SND1: variants seen among roughly 807,000 people sequenced by gnomAD.
SND1 encodes the protein staphylococcal nuclease domain-containing protein 1.
In SND1, 38 loss-of-function variants were observed where a neutral mutation model predicts 121.7. The ratio of observed to expected loss-of-function variants is 0.31; its 90% CI spans 0.24 to 0.41. The LOEUF is 0.41. SND1 is among the 10% of genes least tolerant of loss of function. The pLI is 1.00. For synonymous variants in SND1, 401 were observed against 447.4 expected (o/e 0.90, Z 1.31); for missense variants, 868 against 1,184.6 (o/e 0.73, Z 3.92).
chr7:127,665,884 C>T (rs1449508350), intron 1 of SND1, among the ~76,000 whole-genome samples: 2 of 152,102 alleles, frequency 1.3e-5, no homozygotes, highest in Non-Finnish European at 2.9e-5. Context: ...AGGACTCTGC[C>T]GCAGGTTTTA....
intron 16 of SND1, among the ~76,000 whole-genome samples, chr7:128,054,752 C>G (rs952474624): frequency 6.6e-6 from 1 of 152,312 alleles, no homozygotes; most frequent in African/African-American, 2.4e-5. Flanking sequence ...CTGCCTGCCT[C>G]GTGACCTACA....
At chr7:128,011,511 G>C (rs1314584874) in intron 16 of SND1, among the ~76,000 whole-genome samples, 11 of 152,180 alleles carry the variant, frequency 7.2e-5, no homozygotes, top group Admixed American at 7.2e-4. Context: ...TGTGTAACAT[G>C]TGATCAGGGG....
intron 11 of SND1, among the ~76,000 whole-genome samples, chr7:127,843,778 A>T (rs1003798779): frequency 8.5e-5 from 13 of 152,226 alleles, no homozygotes; most frequent in African/African-American, 3.1e-4. Context: ...AAATGGTAAG[A>T]GTACATGTTC....
At chr7:127,687,277 T>G (rs1795829723) in intron 2 of SND1, 1 of 152,266 alleles carries the variant, frequency 6.6e-6, no homozygotes. Flanking sequence ...AATCGTAGCA[T>G]GCTATAAATG....
At chr7:127,683,860 C>G (rs1795769729) in intron 1 of SND1, among the ~76,000 whole-genome samples, 1 of 152,192 alleles carries the variant, frequency 6.6e-6, no homozygotes, top group Admixed American at 6.5e-5. Flanking sequence ...AACATTGATT[C>G]AAGCATTAAC....
At chr7:127,911,113 C>T (rs1204991826) in intron 14 of SND1, among the ~76,000 whole-genome samples, 1 of 152,218 alleles carries the variant, frequency 6.6e-6, no homozygotes, top group Admixed American at 6.5e-5. Flanking sequence ...TTTCGTAGCT[C>T]AAGTTGTCAC....
chr7:128,082,411 G>T (rs1175111780), intron 18 of SND1, among the ~76,000 whole-genome samples: 2 of 152,198 alleles, frequency 1.3e-5, no homozygotes, highest in Non-Finnish European at 1.5e-5. Context: ...CCCCAGGTCC[G>T]CTCCAGCCCC....
At chr7:127,837,828 A>T (rs1798893894) in intron 11 of SND1, among the ~76,000 whole-genome samples, 1 of 152,272 alleles carries the variant, frequency 6.6e-6, no homozygotes, top group Admixed American at 6.5e-5. Context: ...TCCTGTTGTT[A>T]TAAATAAATT....
chr7:127,698,550 A>T (rs1455428972), intron 3 of SND1, among the ~76,000 whole-genome samples: 1 of 151,036 alleles, frequency 6.6e-6, no homozygotes, highest in African/African-American at 2.4e-5. Context: ...ACCACTTTAT[A>T]CTCTCTTGAG....
Position 127,759,057 on chromosome 7 carries a change from AATAG to A in SND1, c.1152+37698_1152+37701del, listed in dbSNP as rs1289095272. On this transcript the variant is annotated intron_variant, in intron 10 of 23. Coordinates refer to ENST00000354725, the MANE Select transcript of SND1 (RefSeq NM_014390.4). ...CGACATAGCAAGATGCTGTCTCAAA[AATAG>A]ATAGATAGATAGATAGATAGATAGA... Among the ~76,000 whole-genome samples, 515 of 145,502 alleles carry A rather than the reference AATAG, an allele frequency of 3.5e-3. 4 individuals carry two copies. The highest frequency in any genetic ancestry group is 0.03 in the East Asian group (147 of 4,840).
At chr7:127,881,572 T>C (rs1011181368) in intron 12 of SND1, among the ~76,000 whole-genome samples, 4 of 152,150 alleles carry the variant, frequency 2.6e-5, no homozygotes, top group Non-Finnish European at 5.9e-5. Context: ...GGGAAAGTTT[T>C]ATCTTTATTG....
intron 16 of SND1, among the ~76,000 whole-genome samples, chr7:128,046,538 A>C (rs1792952281): frequency 6.6e-6 from 1 of 151,236 alleles, no homozygotes; most frequent in Non-Finnish European, 1.5e-5. Flanking sequence ...TCATTTTTAT[A>C]TTTTTAGTAG....
At chr7:127,740,312 T>G (rs1187260590) in intron 10 of SND1, among the ~76,000 whole-genome samples, 1 of 152,210 alleles carries the variant, frequency 6.6e-6, no homozygotes, top group Admixed American at 6.5e-5. Flanking sequence ...GCAAGTAGCT[T>G]GGGTATTTTT....
chr7:127,672,813 A>ATG (rs1262310335), intron 1 of SND1, among the ~76,000 whole-genome samples: 1 of 151,982 alleles, frequency 6.6e-6, no homozygotes, highest in Non-Finnish European at 1.5e-5. Flanking sequence ...ACTTTATAGA[A>ATG]TGTGCCTTGT....
chr7:127,955,856 A>G (rs1254777120), intron 15 of SND1, among the ~76,000 whole-genome samples: 3 of 152,142 alleles, frequency 2.0e-5, no homozygotes, highest in African/African-American at 7.2e-5. Flanking sequence ...CTTTACCTTC[A>G]AAATAAGACA....
intron 10 of SND1, among the ~76,000 whole-genome samples, chr7:127,763,751 T>C (rs989548996): frequency 1.3e-5 from 2 of 152,002 alleles, no homozygotes; most frequent in Non-Finnish European, 2.9e-5. Flanking sequence ...TAAGTAGTTA[T>C]GAGGATACTT....
At chr7:127,818,031 G>A (rs895034284) in intron 11 of SND1, among the ~76,000 whole-genome samples, 1 of 152,094 alleles carries the variant, frequency 6.6e-6, no homozygotes, top group African/African-American at 2.4e-5. Flanking sequence ...TGGATATGGA[G>A]AAGGCCTGTC....
chr7:127,893,606 G>A (rs1026594795), intron 13 of SND1, among the ~76,000 whole-genome samples: 1 of 152,138 alleles, frequency 6.6e-6, no homozygotes, highest in Admixed American at 6.6e-5. Flanking sequence ...ACAACCTAGT[G>A]TCTGAGCAGA....
At chr7:127,887,301 C>G (rs889265614) in intron 12 of SND1, among the ~76,000 whole-genome samples, 1 of 152,040 alleles carries the variant, frequency 6.6e-6, no homozygotes, top group African/African-American at 2.4e-5. Context: ...AAAGAATTTC[C>G]TTTCTACTAG....
Sources: allele counts gnomAD v4.1 joint callset (sites outside exome capture counted in the v4.1 genomes callset), GRCh38; gene constraint gnomAD v4.1.1; transcripts MANE v1.5; gene names NCBI Gene and HGNC (gene_info 2026-07-23, HGNC 2026-07-21).